CYP27A1: variants seen among roughly 807,000 people sequenced by gnomAD.
CYP27A1 encodes sterol 26-hydroxylase, mitochondrial.
CYP27A1 carries 46 observed loss-of-function variants against 58.2 expected under a neutral mutation model. That is an observed-to-expected ratio of 0.79 (90% CI 0.62 to 1.01). The LOEUF (loss-of-function observed/expected upper bound fraction) is 1.01, where lower values mean the gene tolerates loss of function less well. Ranked by LOEUF, CYP27A1 falls within the 50% of genes least tolerant of loss-of-function variation. The pLI is 0.00. For synonymous variants in CYP27A1, 274 were observed against 285.1 expected (o/e 0.96, Z 0.39); for missense variants, 704 against 687.0 (o/e 1.02, Z -0.28).
intron 1 of CYP27A1, among the ~76,000 whole-genome samples, chr2:218,807,864 C>T (rs534497917): frequency 2.0e-5 from 3 of 151,976 alleles, no homozygotes; most frequent in African/African-American, 7.3e-5. Flanking sequence ...CCAGCCTTGG[C>T]CTCCCAAAGT....
chr2:218,807,906 G>A (rs933305038), intron 1 of CYP27A1, among the ~76,000 whole-genome samples: 6 of 151,826 alleles, frequency 4.0e-5, no homozygotes, highest in South Asian at 2.1e-4. Context: ...CACCATGCCC[G>A]GTCCAGTAAT....
rs776275363 is a variant in CYP27A1 at position 218,814,693 on chromosome 2, A to G, written c.1412A>G (p.Tyr471Cys). 3.1e-6 allele frequency: 5 copies of G among 1,614,134 alleles called. No homozygotes were observed. In the East Asian group the frequency reaches 6.7e-5, roughly 22 times the overall value. ...QHPFGSVPFGYGVRACLGRRI... is the reference protein window; with the variant it reads ...QHPFGSVPFGCGVRACLGRRI... ...CCATTTGGCTCTGTGCCCTTTGGCT[A>G]TGGGGTCCGGGCCTGCCTGGGCCGC... is the stretch of plus-strand genomic sequence containing the variant. The change falls in exon 8 of 9, where the codon TAT (tyrosine) becomes TGT (cysteine). Residue 471 changes from tyrosine to cysteine, a missense_variant. By Grantham distance (194) the Tyr-to-Cys change is radical (BLOSUM62 -2). Coordinates refer to ENST00000258415, the MANE Select transcript of CYP27A1 (RefSeq NM_000784.4).
Position 218,812,968 on chromosome 2 carries a change from C to G in CYP27A1, c.889C>G (p.Leu297Val), listed in dbSNP as rs1333579925. The G allele has an allele frequency of 6.2e-7, 1 of 1,614,266 alleles. No individual in the cohort carries two copies. Among genetic ancestry groups the G allele is most frequent in the Admixed American group, 1.7e-5 (1 of 60,034 alleles). The part of the protein sequence containing the change: ...DEKLEDMEAQ[L>V]QAAGPDGIQV... Reference sequence around the variant, plus strand: ...GAAGCTCGAAGATATGGAGGCCCAACTGCAGGCAGCAGGGCCAGATGGCAT... The same window carrying G: ...GAAGCTCGAAGATATGGAGGCCCAAGTGCAGGCAGCAGGGCCAGATGGCAT... The change falls in exon 5 of 9, where the codon CTG becomes GTG. Residue 297 changes from leucine to valine, a missense_variant. Coordinates refer to ENST00000258415, the MANE Select transcript of CYP27A1 (RefSeq NM_000784.4).
intron 1 of CYP27A1, among the ~76,000 whole-genome samples, chr2:218,793,046 A>G (rs1467685743): frequency 1.3e-5 from 2 of 152,212 alleles, no homozygotes; most frequent in African/African-American, 2.4e-5. Context: ...CATTCATTTA[A>G]CCAAAGTGAT....
In CYP27A1 at chr2:218,782,617, T is replaced by C. The variant is rs986486913; in HGVS notation, c.255+180T>C. 1.3e-5 allele frequency among the ~76,000 whole-genome samples: 2 copies of C among 152,086 alleles called. No individual in the cohort carries two copies. Among genetic ancestry groups the C allele is most frequent in the East Asian group, 3.9e-4 (2 of 5,176 alleles). On this transcript the variant is annotated intron_variant, in intron 1 of 8. Transcript: ENST00000258415. The surrounding 1 kb of genome is among the most constrained non-coding windows in gnomAD (Gnocchi z 4.1). ...ATGGGCAAAGTGCAGACAGAGCCCT[T>C]TGAGCTGAGATAAACAGGACGAGGA... is the stretch of plus-strand genomic sequence containing the variant.
intron 5 of CYP27A1, among the ~76,000 whole-genome samples, 177 bp downstream of exon 5, chr2:218,813,273 G>A (rs1943744455): frequency 6.6e-6 from 1 of 152,196 alleles, no homozygotes; most frequent in Non-Finnish European, 1.5e-5. Flanking sequence ...CGAGGTGGGA[G>A]GACAGGGGAT....
rs765832998 is a variant in CYP27A1, at chr2:218,814,596, T to C, written c.1315T>C (p.Ser439Pro). ...GGTGTCCCGGGACCCCACTGCCTTCTCTGAGCCTGAAAGCTTCCAGCCCCA... is the reference window on the plus strand; with the variant it reads ...GGTGTCCCGGGACCCCACTGCCTTCCCTGAGCCTGAAAGCTTCCAGCCCCA... ...YVVSRDPTAFSEPESFQPHRW... is the reference protein window; with the variant it reads ...YVVSRDPTAFPEPESFQPHRW... Residue 439 changes from serine to proline, a missense_variant, in exon 8 of 9, where the codon TCT (serine) becomes CCT (proline). Coordinates refer to ENST00000258415, the MANE Select transcript of CYP27A1 (RefSeq NM_000784.4). The C allele has an allele frequency of 9.9e-6, 16 of 1,614,202 alleles. No individual in the cohort carries two copies. The highest frequency in any genetic ancestry group is 1.4e-5 in the Non-Finnish European group (16 of 1,180,032).
intron 1 of CYP27A1, among the ~76,000 whole-genome samples, chr2:218,798,910 A>C (rs988967332): frequency 5.8e-5 from 8 of 137,966 alleles, no homozygotes; most frequent in South Asian, 2.2e-4. Context: ...ACAAACAAAC[A>C]AACCCATGAA....
chr2:218,795,409 G>A lies in CYP27A1; in HGVS notation c.255+12972G>A, dbSNP rs1236455398. On this transcript the variant is annotated intron_variant, in intron 1 of 8. Transcript: ENST00000258415. ...TCCTCCTGCAACAAGGGAGAGAAAGGGATGTCTTGTGACACACCCAGATAA... is the reference window on the plus strand; with the variant it reads ...TCCTCCTGCAACAAGGGAGAGAAAGAGATGTCTTGTGACACACCCAGATAA... 2.0e-5 allele frequency among the ~76,000 whole-genome samples: 3 copies of A among 152,182 alleles called. No homozygotes were observed. The South Asian group carries it at 6.2e-4, about 32-fold the overall frequency.
chr2:218,785,888 TG>T, intron 1 of CYP27A1, among the ~76,000 whole-genome samples: 1 of 152,350 alleles, frequency 6.6e-6, no homozygotes, highest in East Asian at 1.9e-4. Flanking sequence ...CCACTCAAAC[TG>T]GCTCAAACTA....
chr2:218,810,003 A>G (rs1346009623), intron 2 of CYP27A1, among the ~76,000 whole-genome samples: 2 of 152,176 alleles, frequency 1.3e-5, no homozygotes, highest in Non-Finnish European at 2.9e-5. Context: ...ATTTAAAATT[A>G]TGGCAAAAAC....
At chr2:218,802,585 T>C (rs1943610103) in intron 1 of CYP27A1, among the ~76,000 whole-genome samples, 1 of 152,206 alleles carries the variant, frequency 6.6e-6, no homozygotes, top group African/African-American at 2.4e-5. Flanking sequence ...ACTACGAGTT[T>C]GTTGCTGGAA....
Position 218,812,625 on chromosome 2 carries a change from C to G in CYP27A1, c.720C>G (p.Phe240Leu). 6.2e-7 allele frequency: 1 copy of G among 1,614,236 alleles called. No homozygotes were observed. Among genetic ancestry groups the G allele is most frequent in the South Asian group, 1.1e-5 (1 of 91,084 alleles). ...CCATCCCCGAGGACACCGTGACCTT[C>G]GTCAGATCCATCGGGTTAATGTTCC... ...QRSIPEDTVT[F>L]VRSIGLMFQN... Residue 240 changes from phenylalanine (F) to leucine (L), a missense_variant, in exon 4 of 9, where the codon TTC (phenylalanine) becomes TTG (leucine). Physicochemically the swap from Phe to Leu is conservative, Grantham distance 22. Transcript: ENST00000258415.
chr2:218,789,482 T>C (rs1427569650), intron 1 of CYP27A1, among the ~76,000 whole-genome samples: 1 of 152,068 alleles, frequency 6.6e-6, no homozygotes, highest in African/African-American at 2.4e-5. Context: ...AAAATGGAAG[T>C]GAGGTACAGA....
intron 1 of CYP27A1, among the ~76,000 whole-genome samples, chr2:218,785,241 C>G (rs1943430238): frequency 6.6e-6 from 1 of 151,994 alleles, no homozygotes; most frequent in Admixed American, 6.5e-5. Context: ...GAATCTAATG[C>G]CAGCACTGAT....
intron 2 of CYP27A1, among the ~76,000 whole-genome samples, chr2:218,810,435 A>G (rs1236904345): frequency 6.6e-6 from 1 of 152,118 alleles, no homozygotes; most frequent in Non-Finnish European, 1.5e-5. Flanking sequence ...ATCTATTTAC[A>G]TTTTTTTCTC....
At chr2:218,814,334 A>AC (rs761941429) in intron 6 of CYP27A1, 46 bp from the exon 7 acceptor site, 5 of 1,594,016 alleles carry the variant, frequency 3.1e-6, no homozygotes, top group African/African-American at 1.3e-5. Context: ...GGCACTTTGT[A>AC]CCCCCATGAA....
intron 1 of CYP27A1, chr2:218,806,018 G>A (rs1174263771): frequency 6.6e-6 from 1 of 152,190 alleles, no homozygotes; most frequent in Non-Finnish European, 1.5e-5. Context: ...CAGGAAAGAA[G>A]CTGGTATTGT....
intron 1 of CYP27A1, among the ~76,000 whole-genome samples, chr2:218,788,889 G>A (rs934108026): frequency 3.9e-5 from 6 of 152,150 alleles, no homozygotes; most frequent in African/African-American, 1.4e-4. Context: ...TTATTGTCCA[G>A]TTACCTTGAC....
Sources: allele counts gnomAD v4.1 joint callset (sites outside exome capture counted in the v4.1 genomes callset), GRCh38; gene constraint gnomAD v4.1.1; non-coding constraint Gnocchi (gnomAD v3.1); transcripts MANE v1.5; gene names NCBI Gene and HGNC (gene_info 2026-07-23, HGNC 2026-07-21).